Variants in RPL15 observed in about 807,000 individuals in gnomAD.
The protein encoded by RPL15 is large ribosomal subunit protein eL15.
For synonymous variants in RPL15, 97 were observed against 95.1 expected (o/e 1.02, Z -0.12); for missense variants, 161 against 271.8 (o/e 0.59, Z 2.87).
Position 23,919,549 on chromosome 3 carries a change from G to T in RPL15, c.*48G>T, listed in dbSNP as rs1704954588. The T allele has an allele frequency of 1.4e-6, 2 of 1,462,746 alleles. No homozygotes were observed. Among genetic ancestry groups the T allele is most frequent in the South Asian group, 1.4e-5 (1 of 71,998 alleles). 90.6% of individuals were successfully genotyped at this position (1,462,746 alleles called of 1,614,324 possible). A position where few individuals can be genotyped will look rare whatever the true frequency, so the allele number is the denominator to read the frequency against. On this transcript the variant is annotated 3_prime_UTR_variant, in exon 4 of 4. Coordinates refer to ENST00000307839, the MANE Select transcript of RPL15 (RefSeq NM_002948.5). ...CATACTTAATAAACAATTTAGGACA[G>T]TCATGTCTGCTTACAGGTGTTATTT...
chr3:23,916,772 C>A (rs1704568751), upstream of RPL15: 2 of 152,738 alleles, frequency 1.3e-5, no homozygotes, highest in Admixed American at 1.3e-4. Flanking sequence ...GCCCGCGGTG[C>A]GTGAAACAAA....
Position 23,920,201 on chromosome 3 carries a change from G to A in RPL15, c.*700G>A, listed in dbSNP as rs535061537. 6 of 985,796 alleles carry A rather than the reference G, an allele frequency of 6.1e-6. No homozygotes were observed. Among genetic ancestry groups the A allele is most frequent in the South Asian group, 9.4e-5 (2 of 21,290 alleles). 61.1% of individuals were successfully genotyped at this position (985,796 alleles called of 1,614,324 possible). A position where few individuals can be genotyped will look rare whatever the true frequency, so the allele number is the denominator to read the frequency against. ...ATACCTTTCAAGTGTGAGCTTAGACGTCAACCCTAAAATACTTAACCGTAA... is the reference window on the plus strand; with the variant it reads ...ATACCTTTCAAGTGTGAGCTTAGACATCAACCCTAAAATACTTAACCGTAA... On this transcript the variant is annotated 3_prime_UTR_variant, in exon 4 of 4. Transcript: ENST00000307839.
intron 3 of RPL15, 196 bp downstream of exon 3, chr3:23,918,772 A>C: frequency 1.5e-6 from 1 of 665,534 alleles, no homozygotes; most frequent in Non-Finnish European, 2.5e-6. Context: ...ATATACTGGA[A>C]GTACTTGTGG....
Position 23,919,551 on chromosome 3 carries a change from C to A in RPL15, c.*50C>A. 6.8e-7 allele frequency: 1 copy of A among 1,462,162 alleles called. No individual in the cohort carries two copies. The highest frequency in any genetic ancestry group is 1.4e-5 in the South Asian group (1 of 71,868). 90.6% of individuals were successfully genotyped at this position (1,462,162 alleles called of 1,614,324 possible). On this transcript the variant is annotated 3_prime_UTR_variant, in exon 4 of 4. Transcript: ENST00000307839. ...TACTTAATAAACAATTTAGGACAGTCATGTCTGCTTACAGGTGTTATTTGT... is the reference window on the plus strand; with the variant it reads ...TACTTAATAAACAATTTAGGACAGTAATGTCTGCTTACAGGTGTTATTTGT...
At position 23,919,952 on chromosome 3, in the gene RPL15, C is replaced by G; in HGVS notation, c.*451C>G. 1.0e-6 allele frequency: 1 copy of G among 988,740 alleles called. No individual in the cohort carries two copies. Among genetic ancestry groups the G allele is most frequent in the Middle Eastern group, 5.2e-4 (1 of 1,916 alleles). 61.2% of individuals were successfully genotyped at this position (988,740 alleles called of 1,614,324 possible). On this transcript the variant is annotated 3_prime_UTR_variant, in exon 4 of 4. Transcript: ENST00000307839. ...TGGGCTTTAGAAAATCTGGGTTAGC[C>G]TGAAGAAAATTGCCTCAGCCTCCAC...
chr3:23,919,057 G>A, intron 3 of RPL15, 139 bp from the exon 4 acceptor site: 1 of 639,490 alleles, frequency 1.6e-6, no homozygotes, highest in Non-Finnish European at 2.8e-6. Flanking sequence ...GATAGTCTAG[G>A]GAGAAATGCT....
At chr3:23,922,265 T>TA (rs1705115467), downstream of RPL15, 1 of 152,256 alleles carries the variant, frequency 6.6e-6, no homozygotes, top group Non-Finnish European at 1.5e-5. This position sits in a 1 kb window ranked among gnomAD's most constrained non-coding sequence, Gnocchi z 4.2. Flanking sequence ...ATTGGTTTCT[T>TA]ACAATCCCAA....
At chr3:23,917,043 A>T (rs573783640), upstream of RPL15, 3 of 152,682 alleles carry the variant, frequency 2.0e-5, no homozygotes, top group African/African-American at 7.2e-5. Context: ...GCGATGCCGG[A>T]ACTACATGTC....
chr3:23,920,021 A>G lies in RPL15; in HGVS notation c.*520A>G, dbSNP rs1398219197. The G allele has an allele frequency of 2.0e-6, 2 of 986,520 alleles. No homozygotes were observed. The highest frequency in any genetic ancestry group is 2.4e-6 in the Non-Finnish European group (2 of 830,512). The allele number at this position is 986,520 out of a possible 1,614,324, so 61.1% of individuals were successfully genotyped here. On this transcript the variant is annotated 3_prime_UTR_variant, in exon 4 of 4. Transcript: ENST00000307839. ...CATAAAAGGTGAAAGCTCCTGGTTC[A>G]GTGCCATGGCTTCATGGCATTCAGT... is the stretch of plus-strand genomic sequence containing the variant.
At chr3:23,918,199 C>G (rs1012867288) in intron 2 of RPL15, 168 bp downstream of exon 2, 4 of 985,282 alleles carry the variant, frequency 4.1e-6, no homozygotes, top group African/African-American at 3.3e-5. Flanking sequence ...TCTAAAGTGG[C>G]AAGTGTGTCA....
At chr3:23,918,300 G>C in intron 2 of RPL15, 140 bp from the exon 3 acceptor site, 2 of 1,049,618 alleles carry the variant, frequency 1.9e-6, no homozygotes, top group Non-Finnish European at 2.7e-6. Context: ...AAAAAGACTG[G>C]GATGTGTTTT....
downstream of RPL15, chr3:23,921,495 G>T: frequency 3.0e-6 from 2 of 658,816 alleles, no homozygotes; most frequent in South Asian, 3.4e-5. Context: ...TACCCTGACC[G>T]CCCCACAAGC....
chr3:23,917,059 A>C (rs1704621950), upstream of RPL15: 1 of 152,556 alleles, frequency 6.6e-6, no homozygotes, highest in South Asian at 2.1e-4. Flanking sequence ...ATGTCCCATG[A>C]CGCTCTGGGA....
chr3:23,919,941 T>C lies in RPL15; in HGVS notation c.*440T>C. On this transcript the variant is annotated 3_prime_UTR_variant, in exon 4 of 4. Coordinates refer to ENST00000307839, the MANE Select transcript of RPL15 (RefSeq NM_002948.5). ...ACTTTTTAAGTTGGGCTTTAGAAAA[T>C]CTGGGTTAGCCTGAAGAAAATTGCC... 3.0e-6 allele frequency: 3 copies of C among 989,496 alleles called. No homozygotes were observed. Among genetic ancestry groups the C allele is most frequent in the Non-Finnish European group, 2.4e-6 (2 of 832,418 alleles). 61.3% of individuals were successfully genotyped at this position (989,496 alleles called of 1,614,324 possible).
rs751126186 is a variant in RPL15 at position 23,917,845 on chromosome 3, C to T, written c.-10-5C>T. On this transcript the variant is annotated splice_region_variant and splice_polypyrimidine_tract_variant and intron_variant, in intron 1 of 3. Coordinates refer to ENST00000307839, the MANE Select transcript of RPL15 (RefSeq NM_002948.5). ...TGATATTTAATACACAGTTTGATTT[C>T]ACAGGTAAGCCAAGATGGGTGCATA... 4.4e-6 allele frequency: 7 copies of T among 1,606,252 alleles called. No homozygotes were observed. Among genetic ancestry groups the T allele is most frequent in the East Asian group, 2.2e-5 (1 of 44,806 alleles).
chr3:23,918,752 A>G (rs1239390518), intron 3 of RPL15, 176 bp downstream of exon 3: 7 of 738,312 alleles, frequency 9.5e-6, no homozygotes, highest in Non-Finnish European at 1.5e-5. Flanking sequence ...TTTGTTACAA[A>G]TGCGTGTGTA....
In RPL15 at chr3:23,917,996, A is replaced by G; in HGVS notation, c.137A>G (p.Asp46Gly). The G allele has an allele frequency of 6.2e-7, 1 of 1,611,078 alleles. No individual in the cohort carries two copies. The highest frequency in any genetic ancestry group is 8.5e-7 in the Non-Finnish European group (1 of 1,179,104). The change falls in exon 2 of 4, where the codon GAT (aspartate) becomes GGT (glycine). Residue 46 changes from aspartate (D) to glycine (G), a missense_variant. Coordinates refer to ENST00000307839, the MANE Select transcript of RPL15 (RefSeq NM_002948.5). ...AGGGCTCCCCGCCCCACCCGGCCTG[A>G]TAAAGCGCGCCGACTGGGCTACAAG... is the stretch of plus-strand genomic sequence containing the variant. The part of the protein sequence containing the change: ...LHRAPRPTRP[D>G]KARRLGYKAK...
downstream of RPL15, chr3:23,923,828 G>A (rs1238974227): frequency 2.0e-5 from 3 of 152,164 alleles, no homozygotes; most frequent in African/African-American, 7.2e-5. Flanking sequence ...CCTCTTTAAT[G>A]TATGTAATCA....
rs930827921 is a variant in RPL15 at position 23,920,813 on chromosome 3, A to G, written c.*1312A>G. ...ATTTTAATTGTGTAGAGGTTGTTCAACTGAAGGAATAAATGTCTATTAAAC... is the reference window on the plus strand; with the variant it reads ...ATTTTAATTGTGTAGAGGTTGTTCAGCTGAAGGAATAAATGTCTATTAAAC... On this transcript the variant is annotated 3_prime_UTR_variant, in exon 4 of 4. Transcript: ENST00000307839. 5.2e-5 allele frequency: 49 copies of G among 944,504 alleles called. No individual in the cohort carries two copies. Among genetic ancestry groups the G allele is most frequent in the Non-Finnish European group, 6.1e-5 (48 of 792,804 alleles). The allele number at this position is 944,504 out of a possible 1,614,324, so 58.5% of individuals were successfully genotyped here.
Sources: allele counts gnomAD v4.1 joint callset, GRCh38; gene constraint gnomAD v4.1.1; non-coding constraint Gnocchi (gnomAD v3.1); transcripts MANE v1.5; gene names NCBI Gene and HGNC (gene_info 2026-07-23, HGNC 2026-07-21).